The following FAM76B variants were observed in gnomAD, a reference collection of about 807,000 sequenced individuals.
FAM76B encodes the protein family with sequence similarity 76 member B.
In FAM76B, 16 loss-of-function variants were observed where a neutral mutation model predicts 51.8. That is an observed-to-expected ratio of 0.31 (90% CI 0.21 to 0.47). The LOEUF (loss-of-function observed/expected upper bound fraction) is 0.47. FAM76B is among the 20% of genes least tolerant of loss of function. The probability of loss-of-function intolerance (pLI) is 1.00; values close to 1 mark genes in which losing one functional copy is unlikely to be tolerated. For synonymous variants in FAM76B, 166 were observed against 129.5 expected (o/e 1.28, Z -1.91); for missense variants, 342 against 392.6 (o/e 0.87, Z 1.09).
At chr11:95,783,362 C>T (rs909942832) in intron 4 of FAM76B, 98 bp from the exon 5 acceptor site, 26 of 972,498 alleles carry the variant, frequency 2.7e-5, no homozygotes, top group South Asian at 1.1e-4. Context: ...ATATTCCACA[C>T]GTAACATGCA....
Position 95,779,638 on chromosome 11 carries a change from T to C in FAM76B, c.661A>G (p.Lys221Glu). The change falls in exon 7 of 10, where the codon AAA (lysine) becomes GAA (glutamate). Residue 221 changes from lysine (K) to glutamate (E), a missense_variant. Coordinates refer to ENST00000358780, the MANE Select transcript of FAM76B (RefSeq NM_144664.5). ...IQNETPKKKP[K>E]LESKPSNGDS... is the part of the protein sequence containing the mutation. ...CCATTAGATGGCTTAGATTCCAATT[T>C]GGGCTTTTTCTTTGGAGTTTCATTC... is the stretch of plus-strand genomic sequence containing the variant. 6.2e-7 allele frequency: 1 copy of C among 1,610,068 alleles called. No individual in the cohort carries two copies. The highest frequency in any genetic ancestry group is 8.5e-7 in the Non-Finnish European group (1 of 1,177,894).
chr11:95,779,847 A>G, intron 6 of FAM76B, 32 bp downstream of exon 6: 3 of 1,591,218 alleles, frequency 1.9e-6, no homozygotes, highest in Non-Finnish European at 2.6e-6. Flanking sequence ...ATACATTTCA[A>G]AATACTTCAG....
At chr11:95,784,108 T>C (rs767451573) in intron 4 of FAM76B, among the ~76,000 whole-genome samples, 1 of 152,176 alleles carries the variant, frequency 6.6e-6, no homozygotes, top group Admixed American at 6.5e-5. Flanking sequence ...TATGCAGCTA[T>C]AGACAAGAAC....
chr11:95,778,066 G>A (rs1309717906), intron 8 of FAM76B, among the ~76,000 whole-genome samples: 5 of 151,302 alleles, frequency 3.3e-5, no homozygotes, highest in Admixed American at 3.3e-4. Flanking sequence ...TGAGAAAACT[G>A]AGGTCCAAAG....
At position 95,789,386 on chromosome 11, in the gene FAM76B, A is replaced by C. The variant is rs1167812588; in HGVS notation, c.87+6T>G. ...CCATCCCGCCCGCCTCCCGGAGCCCACGGACCTTGCAGAGCTGCTGGCCCT... is the reference window on the plus strand; with the variant it reads ...CCATCCCGCCCGCCTCCCGGAGCCCCCGGACCTTGCAGAGCTGCTGGCCCT... On this transcript the variant is annotated splice_donor_region_variant and intron_variant, in intron 1 of 9. Coordinates refer to ENST00000358780, the MANE Select transcript of FAM76B (RefSeq NM_144664.5). 2 of 1,592,658 alleles carry C rather than the reference A, an allele frequency of 1.3e-6. No individual in the cohort carries two copies. The highest frequency in any genetic ancestry group is 1.7e-5 in the Admixed American group (1 of 57,434).
chr11:95,785,590 C>G (rs1860527831), intron 4 of FAM76B, among the ~76,000 whole-genome samples: 1 of 152,172 alleles, frequency 6.6e-6, no homozygotes, highest in Non-Finnish European at 1.5e-5. Flanking sequence ...AAGAGGTAGT[C>G]ATTCTCCAAA....
rs1269863463 is a variant in FAM76B at position 95,769,844 on chromosome 11, G to T, written c.*1717C>A. The stretch of plus-strand genomic sequence containing the variant: ...TACAAGATTCTAACTGAATCTTTTT[G>T]TATCACTTGAAAATTACCCTATATT... On this transcript the variant is annotated 3_prime_UTR_variant, in exon 10 of 10. Coordinates refer to ENST00000358780, the MANE Select transcript of FAM76B (RefSeq NM_144664.5). The T allele has an allele frequency of 6.6e-6, 1 of 151,364 alleles. No individual in the cohort carries two copies. Among genetic ancestry groups the T allele is most frequent in the Non-Finnish European group, 1.5e-5 (1 of 67,570 alleles). The allele number at this position is 151,364 out of a possible 1,614,324, so 9.4% of individuals were successfully genotyped here.
At chr11:95,788,228 T>A (rs906766053) in intron 2 of FAM76B, among the ~76,000 whole-genome samples, 1 of 152,218 alleles carries the variant, frequency 6.6e-6, no homozygotes, top group African/African-American at 2.4e-5. Flanking sequence ...TTAACATAAC[T>A]GTTTACATTT....
intron 5 of FAM76B, 48 bp downstream of exon 5, chr11:95,783,017 T>A: frequency 6.2e-7 from 1 of 1,602,266 alleles, no homozygotes; most frequent in Non-Finnish European, 8.5e-7. Flanking sequence ...ATAAATGGCA[T>A]TAAAATGCAA....
At chr11:95,774,797 T>C (rs1005210206) in intron 9 of FAM76B, among the ~76,000 whole-genome samples, 2 of 151,374 alleles carry the variant, frequency 1.3e-5, no homozygotes, top group African/African-American at 2.4e-5. Context: ...AACAAATTAT[T>C]TGAATGCCTA....
At chr11:95,773,409 T>C (rs1398778949) in intron 9 of FAM76B, among the ~76,000 whole-genome samples, 2 of 147,390 alleles carry the variant, frequency 1.4e-5, no homozygotes, top group Non-Finnish European at 3.0e-5. Context: ...TTTCAATATA[T>C]GTACATTTAA....
intron 8 of FAM76B, 52 bp from the exon 9 acceptor site, chr11:95,776,075 A>T (rs773326956): frequency 3.2e-6 from 3 of 942,740 alleles, no homozygotes; most frequent in South Asian, 4.3e-5. Flanking sequence ...ATACACACAC[A>T]CACCATTTTA....
rs1859702009 is a variant in FAM76B at position 95,770,089 on chromosome 11, G to T, written c.*1472C>A. 1 of 151,350 alleles carries T rather than the reference G, an allele frequency of 6.6e-6. No homozygotes were observed. Among genetic ancestry groups the T allele is most frequent in the African/African-American group, 2.4e-5 (1 of 41,336 alleles). The allele number at this position is 151,350 out of a possible 1,614,324, so 9.4% of individuals were successfully genotyped here. ...TTTTACATGAAGCAAATTTATCTTTGCCCATAAATTATTAAGAGAAGCAAC... is the reference window on the plus strand; with the variant it reads ...TTTTACATGAAGCAAATTTATCTTTTCCCATAAATTATTAAGAGAAGCAAC... On this transcript the variant is annotated 3_prime_UTR_variant, in exon 10 of 10. Coordinates refer to ENST00000358780, the MANE Select transcript of FAM76B (RefSeq NM_144664.5).
intron 8 of FAM76B, among the ~76,000 whole-genome samples, chr11:95,776,330 C>T (rs966633202): frequency 2.0e-5 from 3 of 151,258 alleles, no homozygotes; most frequent in Non-Finnish European, 3.0e-5. Flanking sequence ...AAAAGCTTAA[C>T]GGCTAATAAC....
At chr11:95,773,864 T>C (rs113259959) in intron 9 of FAM76B, among the ~76,000 whole-genome samples, 5,677 of 151,370 alleles carry the variant, frequency 0.038, 166 homozygotes, top group South Asian at 0.091. Flanking sequence ...TTTCATGTGA[T>C]GTTCAGTGTT....
At position 95,786,268 on chromosome 11, in the gene FAM76B, G is replaced by C. The variant is rs371935414; in HGVS notation, c.214C>G (p.Pro72Ala). 5.0e-6 allele frequency: 8 copies of C among 1,613,680 alleles called. No individual in the cohort carries two copies. Among genetic ancestry groups the C allele is most frequent in the Non-Finnish European group, 6.8e-6 (8 of 1,179,830 alleles). The part of the protein sequence containing the change: ...QNVKQFGTPK[P>A]CQYCNIIAAF... ...GCAATTATGTTACAGTACTGACAAGGCTTGGGCTGAAAAACATACACATTT... is the reference window on the plus strand; with the variant it reads ...GCAATTATGTTACAGTACTGACAAGCCTTGGGCTGAAAAACATACACATTT... The change falls in exon 4 of 10, where the codon CCT becomes GCT. Residue 72 changes from proline (P) to alanine (A), a missense_variant. Pro to Ala is a conservative substitution (Grantham distance 27). This residue lies in a region of FAM76B where 96 missense variants were observed against 94.7 expected (regional missense o/e 1.01). Transcript: ENST00000358780.
intron 4 of FAM76B, among the ~76,000 whole-genome samples, chr11:95,784,115 G>T (rs898389664): frequency 6.6e-6 from 1 of 152,150 alleles, no homozygotes; most frequent in Non-Finnish European, 1.5e-5. Context: ...CTATAGACAA[G>T]AACAAGATCA....
chr11:95,788,076 A>G (rs1591028500), intron 2 of FAM76B, among the ~76,000 whole-genome samples: 1 of 152,080 alleles, frequency 6.6e-6, no homozygotes, highest in Admixed American at 6.5e-5. Flanking sequence ...TTCTGTATAT[A>G]CTCTCAGAGT....
Position 95,789,389 on chromosome 11 carries a change from G to T in FAM76B, c.87+3C>A, listed in dbSNP as rs367574628. 57 of 1,595,146 alleles carry T rather than the reference G, an allele frequency of 3.6e-5. No individual in the cohort carries two copies. Among genetic ancestry groups the T allele is most frequent in the Non-Finnish European group, 4.8e-5 (56 of 1,171,434 alleles). On this transcript the variant is annotated splice_donor_region_variant and intron_variant, in intron 1 of 9. Coordinates refer to ENST00000358780, the MANE Select transcript of FAM76B (RefSeq NM_144664.5). ...TCCCGCCCGCCTCCCGGAGCCCACGGACCTTGCAGAGCTGCTGGCCCTGGG... is the reference window on the plus strand; with the variant it reads ...TCCCGCCCGCCTCCCGGAGCCCACGTACCTTGCAGAGCTGCTGGCCCTGGG...
Sources: allele counts gnomAD v4.1 joint callset (sites outside exome capture counted in the v4.1 genomes callset), GRCh38; gene constraint gnomAD v4.1.1; regional missense constraint gnomAD v4.1.1; transcripts MANE v1.5; gene names NCBI Gene and HGNC (gene_info 2026-07-23, HGNC 2026-07-21).